Variants in EVC2 observed in about 807,000 individuals in gnomAD.
EVC2 encodes EvC ciliary complex subunit 2, also known as limbin.
EVC2 carries 148 observed loss-of-function variants against 149.3 expected under a neutral mutation model. The ratio of observed to expected loss-of-function variants is 0.99; its 90% confidence interval spans 0.87 to 1.14. The LOEUF (loss-of-function observed/expected upper bound fraction) is 1.14. Ranked by LOEUF, EVC2 falls within the 50% of genes most tolerant of loss-of-function variation. The probability of loss-of-function intolerance (pLI) is 0.00; values close to 1 mark genes in which losing one functional copy is unlikely to be tolerated. For synonymous variants in EVC2, 776 were observed against 649.9 expected (o/e 1.19, Z -2.95); for missense variants, 1,854 against 1,627.3 (o/e 1.14, Z -2.40).
chr4:5,543,094 A>C, exon 22 of EVC2: 1 of 1,267,444 alleles, frequency 7.9e-7, no homozygotes, highest in Non-Finnish European at 1.0e-6. Context: ...GTCCGAGGTA[A>C]CTCATCTATG....
Position 5,688,402 on chromosome 4 carries a change from C to T in EVC2, c.706+755G>A, listed in dbSNP as rs550154420. ...CCTGAGCTTGACTCAGCCTTGACAG[C>T]GGCCAGCCCTATGACCTCGGGCAAG... On this transcript the variant is annotated intron_variant, in intron 5 of 21. Transcript: ENST00000344408. Among the ~76,000 whole-genome samples the T allele has an allele frequency of 6.2e-4, 95 of 152,236 alleles. 1 individual carries two copies. Among genetic ancestry groups the T allele is most frequent in the Non-Finnish European group, 2.1e-4 (14 of 68,012 alleles).
intron 10 of EVC2, among the ~76,000 whole-genome samples, chr4:5,635,312 C>A (rs1460080033): frequency 6.6e-6 from 1 of 152,042 alleles, no homozygotes; most frequent in African/African-American, 2.4e-5. Flanking sequence ...GTTGGGATTA[C>A]CACACCTGGC....
At position 5,548,379 on chromosome 4, in the gene EVC2, G is replaced by A. The variant is rs79542966; in HGVS notation, c.3420-5167C>T. ...CACCTTGAAACCATGAGACAACCTT[G>A]AGGGTGGAAGCCATGCATCTAGGAT... is the stretch of plus-strand genomic sequence containing the variant. On this transcript the variant is annotated intron_variant and NMD_transcript_variant, in intron 21 of 22. Transcript: ENST00000475313. Among the ~76,000 whole-genome samples the A allele has an allele frequency of 0.045, 6,795 of 149,810 alleles. 871 individuals are homozygous for A. The East Asian group carries it at 0.52, about 12-fold the overall frequency.
At chr4:5,550,490 G>T (rs1416442960) in intron 21 of EVC2, among the ~76,000 whole-genome samples, 3 of 152,176 alleles carry the variant, frequency 2.0e-5, no homozygotes, top group African/African-American at 7.2e-5. Context: ...TCCGGCGGAA[G>T]AAATTTCTAG....
At chr4:5,683,805 CAGCTGGCCAGGAACACA>C (rs1200036241) in intron 6 of EVC2, among the ~76,000 whole-genome samples, 1 of 151,906 alleles carries the variant, frequency 6.6e-6, no homozygotes, top group Non-Finnish European at 1.5e-5. Context: ...GGAACACACA[CAGCTGGCCAGGAACACA>C]CACAGCTGCC....
chr4:5,584,622 C>A lies in EVC2; in HGVS notation c.3057+1G>T. 3 of 1,612,494 alleles carry A rather than the reference C, an allele frequency of 1.9e-6. No homozygotes were observed. Among genetic ancestry groups the A allele is most frequent in the Non-Finnish European group, 2.5e-6 (3 of 1,179,380 alleles). ...CTCTCCTTCCCAGCGCCTGCACTCACCCGGCTGTGCGACTCCAGGATCTGT... is the reference window on the plus strand; with the variant it reads ...CTCTCCTTCCCAGCGCCTGCACTCAACCGGCTGTGCGACTCCAGGATCTGT... On this transcript the variant is annotated splice_donor_variant, in intron 17 of 21. Transcript: ENST00000344408. LOFTEE classifies it high-confidence loss of function.
the EVC2 span, among the ~76,000 whole-genome samples, chr4:5,531,124 G>A: frequency 6.6e-5 from 10 of 152,230 alleles, no homozygotes; most frequent in African/African-American, 2.4e-4. Context: ...TGTGCCCAAG[G>A]CCAGGAGCCA....
intron 13 of EVC2, among the ~76,000 whole-genome samples, chr4:5,624,842 C>A (rs1715985531): frequency 6.6e-6 from 1 of 152,166 alleles, no homozygotes; most frequent in African/African-American, 2.4e-5. Context: ...TTCTATTGAT[C>A]AAATTTGAAA....
Position 5,584,822 on chromosome 4 carries a change from A to ACT in EVC2, c.2856_2857dup (p.Val953GlufsTer27). Reference sequence around the variant, plus strand: ...TCCCTCCTGTGCCTCCATCCGCTGCACTCTCTCCCGCAGCAATTCACCTCG... The same window carrying ACT: ...TCCCTCCTGTGCCTCCATCCGCTGCACTCTCTCTCCCGCAGCAATTCACCTCG... On this transcript the variant is annotated frameshift_variant, in exon 17 of 22. Coordinates refer to ENST00000344408, the MANE Select transcript of EVC2 (RefSeq NM_147127.5). LOFTEE classifies it high-confidence loss of function. 6.2e-7 allele frequency: 1 copy of ACT among 1,613,890 alleles called. No homozygotes were observed. The highest frequency in any genetic ancestry group is 8.5e-7 in the Non-Finnish European group (1 of 1,179,978).
In EVC2 at chr4:5,574,668, T is replaced by C. The variant is rs1465133114; in HGVS notation, c.3360+17A>G. On this transcript the variant is annotated intron_variant, in intron 19 of 21. Transcript: ENST00000344408. ...GCTGGCAAGGGGTGGCCTCAGACCC[T>C]GCCAGTACCTTCTCACCTGGCTGCA... is the stretch of plus-strand genomic sequence containing the variant. 1.2e-6 allele frequency: 2 copies of C among 1,613,472 alleles called. No homozygotes were observed. Among genetic ancestry groups the C allele is most frequent in the Non-Finnish European group, 8.5e-7 (1 of 1,179,368 alleles).
At position 5,640,912 on chromosome 4, in the gene EVC2, G is replaced by A. The variant is rs1388602987; in HGVS notation, c.1146-74C>T. The A allele has an allele frequency of 6.4e-7, 1 of 1,562,158 alleles. No individual in the cohort carries two copies. The highest frequency in any genetic ancestry group is 8.8e-7 in the Non-Finnish European group (1 of 1,136,730). On this transcript the variant is annotated intron_variant, in intron 9 of 21. Transcript: ENST00000344408. The surrounding 1 kb of genome is among the most constrained non-coding windows in gnomAD (Gnocchi z 4.6). ...GAAACCAAAGGTCTTTCAAAGCTCT[G>A]AGGTTTTCATTTATGTGTAGGCAAG...
intron 9 of EVC2, among the ~76,000 whole-genome samples, chr4:5,654,996 C>T (rs967143449): frequency 2.0e-5 from 3 of 152,206 alleles, no homozygotes; most frequent in African/African-American, 7.2e-5. Context: ...GGCACCCAGC[C>T]TACATCGTGC....
intron 21 of EVC2, among the ~76,000 whole-genome samples, chr4:5,555,552 A>G (rs1721823350): frequency 6.6e-6 from 1 of 152,248 alleles, no homozygotes; most frequent in Non-Finnish European, 1.5e-5. Flanking sequence ...AAATTTAACA[A>G]GGAAAAAGAA....
chr4:5,646,942 A>G lies in EVC2; in HGVS notation c.1146-6104T>C, dbSNP rs1023151041. On this transcript the variant is annotated intron_variant, in intron 9 of 21. Coordinates refer to ENST00000344408, the MANE Select transcript of EVC2 (RefSeq NM_147127.5). ...CATACTTTGTACCTCCCTGAGGAAAATGACTCTTGGAACTGGGCATATACC... is the reference window on the plus strand; with the variant it reads ...CATACTTTGTACCTCCCTGAGGAAAGTGACTCTTGGAACTGGGCATATACC... 6.6e-5 allele frequency among the ~76,000 whole-genome samples: 10 copies of G among 152,350 alleles called. No homozygotes were observed. In the East Asian group the frequency reaches 1.3e-3, roughly 21 times the overall value.
chr4:5,649,538 G>C (rs1297803838), intron 9 of EVC2, among the ~76,000 whole-genome samples: 1 of 151,026 alleles, frequency 6.6e-6, no homozygotes, highest in Non-Finnish European at 1.5e-5. Flanking sequence ...AATTAATCAA[G>C]TTCTCACCAA....
At chr4:5,681,177 G>A (rs970651543) in intron 7 of EVC2, 83 bp downstream of exon 7, 28 of 1,516,574 alleles carry the variant, frequency 1.8e-5, no homozygotes, top group Admixed American at 1.7e-4. Flanking sequence ...GCAGCTGGCC[G>A]CTCCCCATGG....
At chr4:5,577,411 G>A (rs1041369728) in intron 17 of EVC2, among the ~76,000 whole-genome samples, 1 of 152,150 alleles carries the variant, frequency 6.6e-6, no homozygotes, top group Non-Finnish European at 1.5e-5. Context: ...GAGAATGCAG[G>A]CACATTTAAC....
At chr4:5,531,498 A>G in the EVC2 span, among the ~76,000 whole-genome samples, 1 of 152,256 alleles carries the variant, frequency 6.6e-6, no homozygotes, top group African/African-American at 2.4e-5. Context: ...GAGTGAGCGA[A>G]GTTTCATCTG....
rs529876233 is a variant in EVC2, at chr4:5,685,516, T to C, written c.707-37A>G. On this transcript the variant is annotated intron_variant, in intron 5 of 21. Coordinates refer to ENST00000344408, the MANE Select transcript of EVC2 (RefSeq NM_147127.5). ...AAAGCACATGTGACTCAGGGAGGGC[T>C]TGGCCACGCCCCCGGCTGCACCCCA... The C allele has an allele frequency of 6.3e-6, 10 of 1,588,490 alleles. 3 individuals carry two copies. In the Admixed American group the frequency reaches 1.3e-4, roughly 21 times the overall value.
Sources: allele counts gnomAD v4.1 joint callset (sites outside exome capture counted in the v4.1 genomes callset), GRCh38; gene constraint gnomAD v4.1.1; non-coding constraint Gnocchi (gnomAD v3.1); transcripts MANE v1.5; gene names NCBI Gene and HGNC (gene_info 2026-07-23, HGNC 2026-07-21).